Variants in ROCK2 observed in about 807,000 individuals in gnomAD.
ROCK2 encodes Rho associated coiled-coil containing protein kinase 2.
In ROCK2, 61 loss-of-function variants were observed where a neutral mutation model predicts 195.1. The ratio of observed to expected loss-of-function variants is 0.31; its 90% CI spans 0.25 to 0.39. The LOEUF is 0.39. ROCK2 is among the 10% of genes least tolerant of loss of function. The probability of loss-of-function intolerance (pLI) is 1.00; values close to 1 mark genes in which losing one functional copy is unlikely to be tolerated. For synonymous variants in ROCK2, 504 were observed against 545.5 expected (o/e 0.92, Z 1.06); for missense variants, 1,109 against 1,637.4 (o/e 0.68, Z 5.57).
At chr2:11,272,019 CAAA>C (rs34999311) in intron 3 of ROCK2, among the ~76,000 whole-genome samples, 5 of 113,742 alleles carry the variant, frequency 4.4e-5, no homozygotes, top group Admixed American at 8.6e-5. Context: ...GACTCCATCT[CAAA>C]AAAAAAAAAA....
At chr2:11,262,933 A>G (rs1269561234) in intron 3 of ROCK2, among the ~76,000 whole-genome samples, 1 of 152,188 alleles carries the variant, frequency 6.6e-6, no homozygotes, top group African/African-American at 2.4e-5. Flanking sequence ...CAATGAATCT[A>G]CTTGACAGAC....
chr2:11,304,967 T>C (rs182765987), intron 1 of ROCK2, among the ~76,000 whole-genome samples: 2 of 152,298 alleles, frequency 1.3e-5, no homozygotes, highest in East Asian at 3.9e-4. Context: ...AGGCTCATAC[T>C]AATGATAGAA....
chr2:11,227,017 T>C (rs1664836811), intron 6 of ROCK2, among the ~76,000 whole-genome samples: 1 of 151,992 alleles, frequency 6.6e-6, no homozygotes, highest in Non-Finnish European at 1.5e-5. Context: ...ATGTCTGATA[T>C]ATTTTTAATT....
intron 3 of ROCK2, among the ~76,000 whole-genome samples, chr2:11,262,001 T>G (rs1285951228): frequency 6.6e-6 from 1 of 152,232 alleles, no homozygotes; most frequent in Non-Finnish European, 1.5e-5. Flanking sequence ...CTATAAATAT[T>G]CAGCACACAG....
chr2:11,211,833 C>G lies in ROCK2; in HGVS notation c.2051G>C (p.Ser684Thr). 1 of 1,577,640 alleles carries G rather than the reference C, an allele frequency of 6.3e-7. No homozygotes were observed. Among genetic ancestry groups the G allele is most frequent in the Non-Finnish European group, 8.6e-7 (1 of 1,166,708 alleles). ...GTATGTCATATCTATTTCCATGTTG[C>G]TTTTTTCCTATTAAATATTTAAAAT... is the stretch of plus-strand genomic sequence containing the variant. ...ERFTDLEKEK[S>T]NMEIDMTYQL... The change falls in exon 18 of 33, where the codon AGC becomes ACC. Residue 684 changes from serine to threonine, a missense_variant. By Grantham distance (58) the Ser-to-Thr change is moderately conservative. Coordinates refer to ENST00000315872, the MANE Select transcript of ROCK2 (RefSeq NM_004850.5).
Position 11,344,148 on chromosome 2 carries a change from T to C in ROCK2, c.-12A>G. On this transcript the variant is annotated 5_prime_UTR_variant, in exon 1 of 33. Coordinates refer to ENST00000315872, the MANE Select transcript of ROCK2 (RefSeq NM_004850.5). This position sits in a 1 kb window ranked among gnomAD's most constrained non-coding sequence, Gnocchi z 5.4. The stretch of plus-strand genomic sequence containing the variant: ...GGGGGCCGGCTCATGCCGCCACCGC[T>C]GGACCCGCACTCAGGCTCCTCGCGC... 2 of 1,423,190 alleles carry C rather than the reference T, an allele frequency of 1.4e-6. No individual in the cohort carries two copies. Among genetic ancestry groups the C allele is most frequent in the Non-Finnish European group, 1.8e-6 (2 of 1,094,354 alleles). 88.2% of individuals were successfully genotyped at this position (1,423,190 alleles called of 1,614,324 possible).
intron 32 of ROCK2, among the ~76,000 whole-genome samples, chr2:11,188,597 T>C (rs1663292087): frequency 6.6e-6 from 1 of 151,002 alleles, no homozygotes; most frequent in Non-Finnish European, 1.5e-5. Context: ...GAACTGTCAA[T>C]TAATTTCTAG....
chr2:11,252,067 C>G (rs866716594), intron 3 of ROCK2, among the ~76,000 whole-genome samples: 31 of 152,070 alleles, frequency 2.0e-4, no homozygotes, highest in African/African-American at 7.2e-4. Context: ...TTGGTGGGAG[C>G]GTAAATTAGT....
chr2:11,325,084 T>C (rs996712410), intron 1 of ROCK2, among the ~76,000 whole-genome samples: 1 of 152,204 alleles, frequency 6.6e-6, no homozygotes, highest in African/African-American at 2.4e-5. Flanking sequence ...CAGAAATAGA[T>C]CAGTTTCTGA....
intron 1 of ROCK2, among the ~76,000 whole-genome samples, chr2:11,298,456 T>G (rs1315127164): frequency 8.7e-6 from 1 of 115,540 alleles, no homozygotes; most frequent in Non-Finnish European, 1.6e-5. Flanking sequence ...AACAACAGAG[T>G]GAGACTCCAT....
intron 1 of ROCK2, among the ~76,000 whole-genome samples, chr2:11,322,269 T>C (rs775644047): frequency 7.1e-4 from 108 of 152,164 alleles, no homozygotes; most frequent in Admixed American, 2.0e-3. Context: ...AACATCATGT[T>C]GTACACCATA....
intron 3 of ROCK2, among the ~76,000 whole-genome samples, chr2:11,278,819 C>T (rs1439346812): frequency 2.6e-5 from 4 of 151,954 alleles, no homozygotes; most frequent in African/African-American, 7.3e-5. Flanking sequence ...TTGCCATGTT[C>T]GCCAGGCTGG....
At chr2:11,195,308 G>C (rs920935599) in intron 27 of ROCK2, 1 of 130,690 alleles carries the variant, frequency 7.7e-6, no homozygotes. Flanking sequence ...AAATTCAGGA[G>C]AAAAGTTGCC....
chr2:11,274,145 A>G (rs979000213), intron 3 of ROCK2, among the ~76,000 whole-genome samples: 2 of 152,116 alleles, frequency 1.3e-5, no homozygotes, highest in South Asian at 2.1e-4. Context: ...AAATGCTTAC[A>G]TTAAAAAAAC....
At chr2:11,321,403 C>T (rs1310379343) in intron 1 of ROCK2, among the ~76,000 whole-genome samples, 2 of 151,460 alleles carry the variant, frequency 1.3e-5, no homozygotes, top group Admixed American at 6.6e-5. Context: ...CTCTCGAACT[C>T]CTGCCCCAGT....
intron 3 of ROCK2, among the ~76,000 whole-genome samples, chr2:11,272,717 A>G (rs921153866): frequency 3.9e-5 from 6 of 151,994 alleles, no homozygotes; most frequent in Non-Finnish European, 8.8e-5. Flanking sequence ...TAAAAATACC[A>G]AAATTAGCCA....
At chr2:11,299,815 C>T (rs905514167) in intron 1 of ROCK2, among the ~76,000 whole-genome samples, 1 of 152,160 alleles carries the variant, frequency 6.6e-6, no homozygotes, top group Admixed American at 6.5e-5. Context: ...TCAACAGAAA[C>T]CAGAGAAGCA....
intron 1 of ROCK2, among the ~76,000 whole-genome samples, chr2:11,325,678 T>C (rs1558395285): frequency 6.6e-6 from 1 of 152,188 alleles, no homozygotes; most frequent in African/African-American, 2.4e-5. Context: ...TCTGAATGAA[T>C]GGGAAATCAA....
chr2:11,285,965 T>C (rs1667173952), intron 3 of ROCK2, among the ~76,000 whole-genome samples: 1 of 151,886 alleles, frequency 6.6e-6, no homozygotes, highest in Admixed American at 6.6e-5. Flanking sequence ...TCAAGAGGGG[T>C]AAACGCTGTA....
Sources: allele counts gnomAD v4.1 joint callset (sites outside exome capture counted in the v4.1 genomes callset), GRCh38; gene constraint gnomAD v4.1.1; non-coding constraint Gnocchi (gnomAD v3.1); transcripts MANE v1.5; gene names NCBI Gene and HGNC (gene_info 2026-07-23, HGNC 2026-07-21).